NEU3: variants seen among roughly 807,000 people sequenced by gnomAD.
NEU3 encodes the protein sialidase-3.
In NEU3, 10 loss-of-function variants were observed where a neutral mutation model predicts 11.4. That is an observed-to-expected ratio of 0.88 (90% CI 0.54 to 1.49). NEU3 has a LOEUF of 1.49. NEU3 is among the 40% of genes most tolerant of loss of function. The pLI is 0.00. For synonymous variants in NEU3, 212 were observed against 228.2 expected, an observed-to-expected ratio of 0.93 and a Z score of 0.64; for missense variants, 529 against 581.8, an observed-to-expected ratio of 0.91 and a Z score of 0.93.
chr11:74,995,250 C>T (rs576964127), intron 2 of NEU3, among the ~76,000 whole-genome samples: 45 of 152,292 alleles, frequency 3.0e-4, no homozygotes, highest in African/African-American at 1.1e-3. Flanking sequence ...GTAATAACCA[C>T]GCTTCTACTA....
At chr11:74,998,836 T>G (rs1415774489) in intron 2 of NEU3, among the ~76,000 whole-genome samples, 1 of 152,230 alleles carries the variant, frequency 6.6e-6, no homozygotes, top group East Asian at 1.9e-4. Flanking sequence ...GACTTCTGCA[T>G]GTATAACTAG....
chr11:75,004,668 A>G (rs1948880559), intron 2 of NEU3, among the ~76,000 whole-genome samples: 1 of 152,218 alleles, frequency 6.6e-6, no homozygotes, highest in Non-Finnish European at 1.5e-5. Flanking sequence ...CATTTAACTG[A>G]TAAAGAAATT....
At chr11:74,996,407 A>G (rs1948791348) in intron 2 of NEU3, among the ~76,000 whole-genome samples, 1 of 152,188 alleles carries the variant, frequency 6.6e-6, no homozygotes, top group Non-Finnish European at 1.5e-5. Context: ...TCAAAAAACT[A>G]CTTTATTTGC....
chr11:75,016,786 A>T (rs886192365), intron 3 of NEU3, among the ~76,000 whole-genome samples: 1 of 152,216 alleles, frequency 6.6e-6, no homozygotes, highest in Non-Finnish European at 1.5e-5. Context: ...AAAGTGAGCC[A>T]TGGATTCAGG....
intron 2 of NEU3, among the ~76,000 whole-genome samples, chr11:74,998,586 G>A (rs1392625624): frequency 6.6e-6 from 1 of 152,146 alleles, no homozygotes; most frequent in Non-Finnish European, 1.5e-5. Context: ...TTTACCTACA[G>A]ATGTCTCAAA....
At position 74,992,113 on chromosome 11, in the gene NEU3, G is replaced by A. The variant is rs4944966; in HGVS notation, c.95-2396G>A. 9.6e-3 allele frequency among the ~76,000 whole-genome samples: 1,461 copies of A among 152,346 alleles called. 14 individuals carry two copies. Among genetic ancestry groups the A allele is most frequent in the Middle Eastern group, 0.031 (9 of 294 alleles). On this transcript the variant is annotated intron_variant, in intron 1 of 2. Coordinates refer to ENST00000294064, the MANE Select transcript of NEU3 (RefSeq NM_006656.6). ...GCAGAGCTGAAGAAGGTGAGGGAGC[G>A]TTATGTGGCTATCTGAAACGAGTGT...
chr11:74,996,712 C>G (rs1327090025), intron 2 of NEU3, among the ~76,000 whole-genome samples: 2 of 152,152 alleles, frequency 1.3e-5, no homozygotes, highest in Non-Finnish European at 2.9e-5. Context: ...TCAGAGTAAT[C>G]ACTATCTATG....
intron 1 of NEU3, among the ~76,000 whole-genome samples, chr11:74,989,563 A>C (rs1358012192): frequency 6.6e-6 from 1 of 152,122 alleles, no homozygotes; most frequent in Non-Finnish European, 1.5e-5. Flanking sequence ...GAGGGTTTAG[A>C]CTACAGATCT....
At chr11:75,004,196 GTTTC>G in intron 2 of NEU3, 1 of 565,982 alleles carries the variant, frequency 1.8e-6, no homozygotes, top group South Asian at 2.2e-5. Flanking sequence ...TGAAAGTCCA[GTTTC>G]TTCACATTTG....
At chr11:74,982,793 A>G in the NEU3 span, among the ~76,000 whole-genome samples, 1 of 152,190 alleles carries the variant, frequency 6.6e-6, no homozygotes, top group East Asian at 1.9e-4. Context: ...CAGAGCCAAC[A>G]GGTATTTGAA....
At chr11:74,983,618 A>C (rs1948651743), upstream of NEU3, among the ~76,000 whole-genome samples, 3 of 152,248 alleles carry the variant, frequency 2.0e-5, no homozygotes, top group Non-Finnish European at 2.9e-5. Flanking sequence ...AGTTATCACT[A>C]TCCTGAGAGT....
At position 74,994,739 on chromosome 11, in the gene NEU3, T is replaced by C; in HGVS notation, c.306+19T>C. The C allele has an allele frequency of 6.3e-7, 1 of 1,598,472 alleles. No individual in the cohort carries two copies. Among genetic ancestry groups the C allele is most frequent in the Non-Finnish European group, 8.6e-7 (1 of 1,165,644 alleles). The stretch of plus-strand genomic sequence containing the variant: ...GGTACAGGTGACTCTTCATCCCAGA[T>C]CTGAGTCTGGGCCTCAGTTTCTCTT... On this transcript the variant is annotated intron_variant, in intron 2 of 2. Coordinates refer to ENST00000294064, the MANE Select transcript of NEU3 (RefSeq NM_006656.6).
chr11:75,010,400 T>G lies in NEU3; in HGVS notation c.*3908T>G, dbSNP rs139276687. 48 of 152,340 alleles carry G rather than the reference T, an allele frequency of 3.2e-4. No homozygotes were observed. The highest frequency in any genetic ancestry group is 1.1e-3 in the African/African-American group (47 of 41,562). The allele number at this position is 152,340 out of a possible 1,614,324, so 9.4% of individuals were successfully genotyped here. A position where few individuals can be genotyped will look rare whatever the true frequency, so the allele number is the denominator to read the frequency against. On this transcript the variant is annotated 3_prime_UTR_variant, in exon 3 of 3. Transcript: ENST00000294064. ...AATGAATGAATGAGTCAACCATCCT[T>G]GGCCTCTGGAGCTAATTGAGAAGGC...
chr11:74,990,085 A>C (rs761058954), intron 1 of NEU3: 5 of 687,434 alleles, frequency 7.3e-6, no homozygotes, highest in South Asian at 4.6e-5. Context: ...AGTGATAATA[A>C]AGCATAAATG....
At position 75,005,532 on chromosome 11, in the gene NEU3, C is replaced by T. The variant is rs1475898546; in HGVS notation, c.426C>T (p.Gly142=). 1.9e-6 allele frequency: 3 copies of T among 1,613,918 alleles called. No homozygotes were observed. Among genetic ancestry groups the T allele is most frequent in the East Asian group, 2.2e-5 (1 of 44,872 alleles). Residue 142 remains glycine (G), a synonymous_variant, in exon 3 of 3, where the codon GGC becomes GGT. Coordinates refer to ENST00000294064, the MANE Select transcript of NEU3 (RefSeq NM_006656.6). ...CVFLFFICVR[G]HVTERQQIVS... ...TCCTGTTCTTCATCTGTGTGCGGGG[C>T]CATGTCACAGAGCGTCAACAGATTG...
chr11:74,995,829 G>A (rs554110471), intron 2 of NEU3, among the ~76,000 whole-genome samples: 13 of 151,454 alleles, frequency 8.6e-5, no homozygotes, highest in African/African-American at 2.9e-4. Context: ...TTTTCTAGAA[G>A]CATTTCTTAC....
upstream of NEU3, among the ~76,000 whole-genome samples, chr11:74,987,737 C>T (rs1424068230): frequency 2.0e-5 from 3 of 151,860 alleles, no homozygotes; most frequent in Non-Finnish European, 2.9e-5. Context: ...GGCGTGAACC[C>T]GGGAGGCGGA....
At chr11:75,016,326 G>T (rs1591766362) in intron 3 of NEU3, among the ~76,000 whole-genome samples, 1 of 152,096 alleles carries the variant, frequency 6.6e-6, no homozygotes, top group Admixed American at 6.6e-5. Context: ...TCTCTCCTTA[G>T]CTCCCTCCCC....
chr11:75,013,295 G>T (rs1948967817), downstream of NEU3, among the ~76,000 whole-genome samples: 1 of 151,750 alleles, frequency 6.6e-6, no homozygotes, highest in Non-Finnish European at 1.5e-5. Flanking sequence ...CCTCAAAAGG[G>T]TTTAGAAAAC....
Sources: gnomAD v4.1 joint callset for allele counts (sites outside exome capture counted in the v4.1 genomes callset) on GRCh38, gnomAD v4.1.1 for gene constraint, MANE v1.5 for transcripts, NCBI Gene and HGNC (gene_info 2026-07-23, HGNC 2026-07-21) for gene names.